The following LIMS1 variants were observed in gnomAD, a reference collection of about 807,000 sequenced individuals.
The protein encoded by LIMS1 is LIM and senescent cell antigen-like-containing domain protein 1.
LIMS1 carries 18 observed loss-of-function variants against 44.1 expected under a neutral mutation model. The ratio of observed to expected loss-of-function variants is 0.41; its 90% CI spans 0.28 to 0.61. The LOEUF is 0.61. LIMS1 is among the 20% of genes least tolerant of loss of function. LIMS1 has a pLI of 0.32. For missense variants in LIMS1, 201 were observed against 422.0 expected (o/e 0.48, Z 4.59); for synonymous variants, 93 against 149.1 (o/e 0.62, Z 2.74).
At chr2:108,634,242 C>G (rs1171859253) in intron 1 of LIMS1, among the ~76,000 whole-genome samples, 1 of 152,190 alleles carries the variant, frequency 6.6e-6, no homozygotes, top group Non-Finnish European at 1.5e-5. Context: ...GGTGTGCCAG[C>G]TGCCAGCTCT....
intron 2 of LIMS1, among the ~76,000 whole-genome samples, chr2:108,661,433 G>A (rs1336142484): frequency 6.6e-6 from 1 of 151,616 alleles, no homozygotes; most frequent in African/African-American, 2.4e-5. Flanking sequence ...TCCCTGGGCA[G>A]TGGGAATCTT....
chr2:108,545,551 A>G (rs1684456418), intron 1 of LIMS1, among the ~76,000 whole-genome samples: 1 of 152,118 alleles, frequency 6.6e-6, no homozygotes, highest in African/African-American at 2.4e-5. Context: ...CCTCTATTAT[A>G]TTAATATATT....
intron 1 of LIMS1, among the ~76,000 whole-genome samples, chr2:108,563,879 C>T (rs1050235923): frequency 1.3e-5 from 2 of 151,742 alleles, no homozygotes; most frequent in African/African-American, 2.4e-5. Flanking sequence ...GGCAATACAG[C>T]GAGATCCTGT....
chr2:108,625,251 T>A (rs1453838762), intron 1 of LIMS1, among the ~76,000 whole-genome samples: 1 of 152,210 alleles, frequency 6.6e-6, no homozygotes, highest in Middle Eastern at 3.2e-3. Context: ...AAATTCAAAT[T>A]TCAGTGTCCA....
At chr2:108,542,091 C>G (rs570290870) in intron 1 of LIMS1, among the ~76,000 whole-genome samples, 1 of 152,276 alleles carries the variant, frequency 6.6e-6, no homozygotes, top group Admixed American at 6.5e-5. Context: ...TCGAAAAGTT[C>G]AGGGCTAGCT....
chr2:108,680,792 G>T, intron 9 of LIMS1, 22 bp downstream of exon 9: 1 of 1,598,398 alleles, frequency 6.3e-7, no homozygotes, highest in East Asian at 2.2e-5. Context: ...GTTTTGTCCA[G>T]TGTGAATCCT....
In LIMS1 at chr2:108,578,045, G is replaced by A. The variant is rs189888698; in HGVS notation, c.32+43451G>A. 2.2e-3 allele frequency among the ~76,000 whole-genome samples: 338 copies of A among 152,294 alleles called. 4 individuals are homozygous for A. The highest frequency in any genetic ancestry group is 7.6e-3 in the African/African-American group (316 of 41,552). ...CTGCCTCAGCCTCCCGAGTAGCTGG[G>A]ATTATAGATGTCCGCCACTGCGCCT... On this transcript the variant is annotated intron_variant, in intron 1 of 9. Coordinates refer to ENST00000544547, the Ensembl canonical transcript of LIMS1.
At chr2:108,584,870 G>A (rs995925040) in intron 1 of LIMS1, among the ~76,000 whole-genome samples, 4 of 152,000 alleles carry the variant, frequency 2.6e-5, no homozygotes, top group African/African-American at 9.7e-5. Context: ...AGCCAGGTAG[G>A]GCCTGGAGCA....
chr2:108,614,312 G>C (rs1451151388), intron 1 of LIMS1, among the ~76,000 whole-genome samples: 1 of 152,168 alleles, frequency 6.6e-6, no homozygotes, highest in African/African-American at 2.4e-5. Flanking sequence ...ACCCTGCCTA[G>C]GCTTCCAGTC....
intron 1 of LIMS1, among the ~76,000 whole-genome samples, chr2:108,590,582 A>T (rs1026812034): frequency 2.6e-5 from 4 of 152,222 alleles, no homozygotes; most frequent in African/African-American, 7.2e-5. Context: ...AAGAGCGGGG[A>T]ACCCCCTTCA....
At chr2:108,633,157 A>G (rs1364024424) in intron 1 of LIMS1, among the ~76,000 whole-genome samples, 1 of 152,324 alleles carries the variant, frequency 6.6e-6, no homozygotes, top group Non-Finnish European at 1.5e-5. Flanking sequence ...TGTTTTTGCC[A>G]GCATCTTAAT....
rs760625596 is a variant in LIMS1 at position 108,622,188 on chromosome 2, A to G, written c.33-37417A>G. On this transcript the variant is annotated intron_variant, in intron 1 of 9. Coordinates refer to ENST00000544547, the Ensembl canonical transcript of LIMS1. Reference sequence around the variant, plus strand: ...TGTTTTACTGATGACAGAAGGCTGCAGTAAAGAGAGACTTCCTTTTTTTAA... The same window carrying G: ...TGTTTTACTGATGACAGAAGGCTGCGGTAAAGAGAGACTTCCTTTTTTTAA... Among the ~76,000 whole-genome samples, 4 of 152,320 alleles carry G rather than the reference A, an allele frequency of 2.6e-5. No individual in the cohort carries two copies. The East Asian group carries it at 7.7e-4, about 29-fold the overall frequency.
chr2:108,614,670 T>A (rs1687837298), intron 1 of LIMS1, among the ~76,000 whole-genome samples: 1 of 152,056 alleles, frequency 6.6e-6, no homozygotes, highest in Non-Finnish European at 1.5e-5. Context: ...GAAAAAATAA[T>A]AAATAAAGGG....
In LIMS1 at chr2:108,569,764, C is replaced by CCTTTTTTTTTTTTTTTTTTT. The variant is rs753691810; in HGVS notation, c.32+35170_32+35171insCTTTTTTTTTTTTTTTTTTT. 1.1e-4 allele frequency among the ~76,000 whole-genome samples: 12 copies of CCTTTTTTTTTTTTTTTTTTT among 113,100 alleles called. 1 individual carries two copies. The highest frequency in any genetic ancestry group is 3.3e-4 in the South Asian group (1 of 3,066). The allele number at this position is 113,100 out of a possible 152,430, so 74.2% of individuals were successfully genotyped here. A position where few individuals can be genotyped will look rare whatever the true frequency, so the allele number is the denominator to read the frequency against. ...TACAAACACTCACCGCCATATCTGG[C>CCTTTTTTTTTTTTTTTTTTT]TTTTTTTTTTTTTTTTTTTAGTGAT... On this transcript the variant is annotated intron_variant, in intron 1 of 9. Coordinates refer to ENST00000544547, the Ensembl canonical transcript of LIMS1.
At chr2:108,668,047 T>G (rs1691907952) in intron 2 of LIMS1, among the ~76,000 whole-genome samples, 1 of 152,162 alleles carries the variant, frequency 6.6e-6, no homozygotes, top group African/African-American at 2.4e-5. Context: ...GAAGGCTGTT[T>G]TGTGGTCATT....
chr2:108,546,276 T>TTG (rs1684478895), intron 1 of LIMS1, among the ~76,000 whole-genome samples: 1 of 145,490 alleles, frequency 6.9e-6, no homozygotes, highest in South Asian at 2.2e-4. Context: ...CGCCTTTTTT[T>TTG]TTTTTTTTTT....
At chr2:108,552,592 G>GTGTGTA (rs1553451195) in intron 1 of LIMS1, among the ~76,000 whole-genome samples, 51 of 125,420 alleles carry the variant, frequency 4.1e-4, no homozygotes, top group Non-Finnish European at 6.7e-4. Context: ...TTGGGTGTGT[G>GTGTGTA]TGTGTGTGTG....
At chr2:108,662,878 T>G (rs1332424201) in intron 2 of LIMS1, 1 of 488,322 alleles carries the variant, frequency 2.0e-6, no homozygotes, top group Non-Finnish European at 2.7e-6. Context: ...TTTTTTCTTT[T>G]CTCTAGAAGA....
intron 1 of LIMS1, among the ~76,000 whole-genome samples, chr2:108,572,032 A>G (rs1046294251): frequency 6.6e-6 from 1 of 152,200 alleles, no homozygotes; most frequent in African/African-American, 2.4e-5. Context: ...CAAAACTGTA[A>G]TAATATACAT....
Sources: gnomAD v4.1 joint callset for allele counts (sites outside exome capture counted in the v4.1 genomes callset) on GRCh38, gnomAD v4.1.1 for gene constraint, MANE v1.5 for transcripts, NCBI Gene and HGNC (gene_info 2026-07-23, HGNC 2026-07-21) for gene names.